Variants in SKIC3 observed in about 807,000 individuals in gnomAD.
The protein encoded by SKIC3 is superkiller complex protein 3.
chr5:95,491,107 A>T, the SKIC3 span: 1 of 1,583,344 alleles, frequency 6.3e-7, no homozygotes, highest in South Asian at 1.2e-5. Flanking sequence ...ATCAAAAATG[A>T]GATTAAGAGT....
At chr5:95,517,420 G>T in the SKIC3 span, 1 of 1,358,774 alleles carries the variant, frequency 7.4e-7, no homozygotes, top group Non-Finnish European at 1.0e-6. Flanking sequence ...TGTACATTAA[G>T]TACTTTACTA....
chr5:95,485,403 T>C, the SKIC3 span, among the ~76,000 whole-genome samples: 1 of 152,040 alleles, frequency 6.6e-6, no homozygotes, highest in Non-Finnish European at 1.5e-5. Context: ...ATAAACTCTT[T>C]GGCATCTTTC....
At chr5:95,493,921 C>T in the SKIC3 span, among the ~76,000 whole-genome samples, 4,372 of 152,128 alleles carry the variant, frequency 0.029, 222 homozygotes, top group African/African-American at 0.099. Flanking sequence ...GCTTAAGTAA[C>T]ATTCCTCAGT....
chr5:95,484,728 G>T, the SKIC3 span: 1 of 1,614,022 alleles, frequency 6.2e-7, no homozygotes, highest in Non-Finnish European at 8.5e-7. Context: ...AAATACCTTT[G>T]TGCAGAGAGT....
At chr5:95,496,855 G>C in the SKIC3 span, among the ~76,000 whole-genome samples, 1 of 152,284 alleles carries the variant, frequency 6.6e-6, no homozygotes, top group South Asian at 2.1e-4. Context: ...TTACCAACTA[G>C]TGAAGTGAAC....
chr5:95,512,354 A>G, the SKIC3 span: 5 of 1,190,932 alleles, frequency 4.2e-6, no homozygotes, highest in Non-Finnish European at 5.9e-6. Flanking sequence ...TGTTGCAAAA[A>G]GAAGGCAAAT....
chr5:95,541,385 G>C, the SKIC3 span: 2 of 1,612,930 alleles, frequency 1.2e-6, no homozygotes. Flanking sequence ...TCAACACTTA[G>C]AACAAAACAA....
At chr5:95,478,781 TG>T in the SKIC3 span, among the ~76,000 whole-genome samples, 1 of 152,116 alleles carries the variant, frequency 6.6e-6, no homozygotes, top group Non-Finnish European at 1.5e-5. Context: ...GATTAATAGA[TG>T]CCATTAAAAA....
chr5:95,530,367 T>A, the SKIC3 span: 1 of 813,264 alleles, frequency 1.2e-6, no homozygotes, highest in Non-Finnish European at 1.9e-6. Flanking sequence ...ATTCAAAATT[T>A]AAATAGACCA....
the SKIC3 span, among the ~76,000 whole-genome samples, chr5:95,542,829 A>G: frequency 6.6e-6 from 1 of 152,336 alleles, no homozygotes; most frequent in Admixed American, 6.5e-5. Context: ...ACATTTTTAT[A>G]TTATTTTATT....
At chr5:95,553,307 G>T in the SKIC3 span, among the ~76,000 whole-genome samples, 1 of 152,228 alleles carries the variant, frequency 6.6e-6, no homozygotes, top group African/African-American at 2.4e-5. Flanking sequence ...AAACAAGGCT[G>T]TAGAGAGTAA....
chr5:95,512,155 A>G, the SKIC3 span, among the ~76,000 whole-genome samples: 1 of 152,284 alleles, frequency 6.6e-6, no homozygotes, highest in South Asian at 2.1e-4. Context: ...AAGACTGCAG[A>G]GAAAGTTAAA....
At chr5:95,516,268 C>T in the SKIC3 span, 1 of 1,455,154 alleles carries the variant, frequency 6.9e-7, no homozygotes, top group Non-Finnish European at 9.6e-7. Context: ...AAAAACATTT[C>T]TCCACAAGAA....
At chr5:95,512,796 T>C in the SKIC3 span, 2 of 662,994 alleles carry the variant, frequency 3.0e-6, no homozygotes, top group Non-Finnish European at 5.0e-6. Flanking sequence ...GCGAAGAACA[T>C]ATTGAAATTA....
the SKIC3 span, among the ~76,000 whole-genome samples, chr5:95,502,416 G>A: frequency 9.2e-4 from 140 of 152,148 alleles, no homozygotes; most frequent in African/African-American, 3.2e-3. Context: ...AACACAGGTC[G>A]TTATTTTATT....
the SKIC3 span, chr5:95,506,935 A>G: frequency 4.3e-6 from 7 of 1,613,442 alleles, no homozygotes; most frequent in East Asian, 2.2e-5. Context: ...TACGCTTACC[A>G]TAACAATCTG....
At chr5:95,528,075 CT>C in the SKIC3 span, 1 of 1,613,796 alleles carries the variant, frequency 6.2e-7, no homozygotes, top group African/African-American at 1.3e-5. Context: ...ATCAAAGCCT[CT>C]GCTTTCAAAT....
At chr5:95,496,979 A>G in the SKIC3 span, among the ~76,000 whole-genome samples, 1 of 152,210 alleles carries the variant, frequency 6.6e-6, no homozygotes, top group Non-Finnish European at 1.5e-5. Flanking sequence ...CAGTGACTTC[A>G]TATTTATAAT....
the SKIC3 span, chr5:95,494,638 GAAAA>G: frequency 6.4e-7 from 1 of 1,561,836 alleles, no homozygotes; most frequent in Non-Finnish European, 8.8e-7. Flanking sequence ...TATGTATTTA[GAAAA>G]AAAAAGAATT....
Sources: gnomAD v4.1 joint callset for allele counts (sites outside exome capture counted in the v4.1 genomes callset) on GRCh38, gnomAD v4.1.1 for gene constraint, MANE v1.5 for transcripts, NCBI Gene and HGNC (gene_info 2026-07-23, HGNC 2026-07-21) for gene names.